GFI1B: variants seen among roughly 807,000 people sequenced by gnomAD.
GFI1B encodes the protein growth factor independent 1B transcriptional repressor, also known as zinc finger protein Gfi-1b.
A neutral mutation model predicts 35.3 loss-of-function variants in GFI1B; 20 were observed. The observed-to-expected ratio is 0.57, with a 90% CI of 0.40 to 0.82. The LOEUF (loss-of-function observed/expected upper bound fraction) is 0.82. GFI1B is among the 40% of genes least tolerant of loss of function. GFI1B has a pLI of 0.00. For synonymous variants in GFI1B, 178 were observed against 177.6 expected, an observed-to-expected ratio of 1.00 and a Z score of -0.02; for missense variants, 430 against 446.3, an observed-to-expected ratio of 0.96 and a Z score of 0.33.
At chr9:132,972,814 C>T (rs1327955812) in intron 2 of GFI1B, 1 of 152,110 alleles carries the variant, frequency 6.6e-6, no homozygotes, top group East Asian at 1.9e-4. Flanking sequence ...GCGCCTGGGT[C>T]GTAGGGTGGG....
chr9:132,958,249 G>A (rs547031535), intron 1 of GFI1B, among the ~76,000 whole-genome samples: 13 of 152,230 alleles, frequency 8.5e-5, no homozygotes, highest in Middle Eastern at 6.8e-3. Context: ...GTGGTAAGAC[G>A]GGAGATAGAG....
At chr9:132,950,701 C>T (rs1245506596) in intron 1 of GFI1B, among the ~76,000 whole-genome samples, 1 of 146,798 alleles carries the variant, frequency 6.8e-6, no homozygotes, top group Non-Finnish European at 1.5e-5. Context: ...CTACACTATA[C>T]TATACACTAC....
At chr9:132,987,151 A>C in intron 2 of GFI1B, 131 bp from the exon 3 acceptor site, 1 of 1,020,590 alleles carries the variant, frequency 9.8e-7, no homozygotes, top group Non-Finnish European at 1.5e-6. Flanking sequence ...CGGGAGTGTG[A>C]GCCGCCAGAA....
Position 132,990,883 on chromosome 9 carries a change from C to T in GFI1B, c.826C>T (p.His276Tyr). Residue 276 changes from histidine (H) to tyrosine (Y), a missense_variant, in exon 7 of 7, where the codon CAC (histidine) becomes TAC (tyrosine). His to Tyr is a moderately conservative substitution (Grantham distance 83). Coordinates refer to ENST00000372122, the MANE Select transcript of GFI1B (RefSeq NM_001377304.1). ...TGCCCTCCCTGCAGGTGAGAAGCCGCACAAGTGCCAGGTGTGCGGAAAGGC... is the reference window on the plus strand; with the variant it reads ...TGCCCTCCCTGCAGGTGAGAAGCCGTACAAGTGCCAGGTGTGCGGAAAGGC... ...HTYIHTGEKPHKCQVCGKAFS... is the reference protein window; with the variant it reads ...HTYIHTGEKPYKCQVCGKAFS... 6.2e-7 allele frequency: 1 copy of T among 1,614,242 alleles called. No homozygotes were observed. The highest frequency in any genetic ancestry group is 1.1e-5 in the South Asian group (1 of 91,092).
intron 1 of GFI1B, among the ~76,000 whole-genome samples, chr9:132,981,491 A>G (rs1178304349): frequency 2.0e-5 from 3 of 152,122 alleles, no homozygotes; most frequent in Admixed American, 6.5e-5. Context: ...TACAAAAATT[A>G]GCCAACTGTG....
rs191025709 is a variant in GFI1B at position 132,968,754 on chromosome 9, G to A, written c.-700-3971G>A. Among the ~76,000 whole-genome samples, 11 of 152,274 alleles carry A rather than the reference G, an allele frequency of 7.2e-5. No individual in the cohort carries two copies. The East Asian group carries it at 1.9e-3, about 27-fold the overall frequency. On this transcript the variant is annotated intron_variant, in intron 1 of 10. Coordinates refer to the GFI1B transcript ENST00000339463. The stretch of plus-strand genomic sequence containing the variant: ...TGCTTTCCCCATTTGTGAAAATGAA[G>A]GCCTCAGAGGCATGGAGGTTTTGTG...
intron 3 of GFI1B, 30 bp from the exon 4 acceptor site, chr9:132,988,167 G>A: frequency 4.3e-6 from 7 of 1,610,816 alleles, no homozygotes; most frequent in Non-Finnish European, 5.9e-6. Flanking sequence ...GTTTAAATGA[G>A]TAACCAGGCC....
chr9:132,957,230 A>G (rs187004156), intron 1 of GFI1B, among the ~76,000 whole-genome samples: 6 of 152,358 alleles, frequency 3.9e-5, no homozygotes, highest in Admixed American at 2.0e-4. Context: ...ACAAACGTGC[A>G]TGGCTTGGAA....
chr9:132,973,930 G>A (rs926276504), upstream of GFI1B, among the ~76,000 whole-genome samples: 2 of 152,200 alleles, frequency 1.3e-5, no homozygotes, highest in African/African-American at 4.8e-5. Context: ...TGGGCACAAT[G>A]ATTGGTGCTG....
chr9:132,992,000 T>A (rs1261190795), downstream of GFI1B, among the ~76,000 whole-genome samples: 1 of 152,122 alleles, frequency 6.6e-6, no homozygotes. Context: ...ACATTTATTC[T>A]CTTAAATTCT....
chr9:132,990,857 C>G lies in GFI1B; in HGVS notation c.815-15C>G. ...CTGACCCCGCCCTTGCTGTGCTGCG[C>G]TGCCCTCCCTGCAGGTGAGAAGCCG... On this transcript the variant is annotated splice_polypyrimidine_tract_variant and intron_variant, in intron 6 of 6. Coordinates refer to ENST00000372122, the MANE Select transcript of GFI1B (RefSeq NM_001377304.1). 3.1e-6 allele frequency: 5 copies of G among 1,613,768 alleles called. No homozygotes were observed. The highest frequency in any genetic ancestry group is 4.2e-6 in the Non-Finnish European group (5 of 1,179,806).
intron 1 of GFI1B, among the ~76,000 whole-genome samples, chr9:132,957,719 C>A (rs1848302141): frequency 6.6e-6 from 1 of 151,784 alleles, no homozygotes; most frequent in South Asian, 2.1e-4. Context: ...GAGTAAGTGG[C>A]AGTTAGCCAG....
In GFI1B at chr9:132,989,702, G is replaced by A. The variant is rs367558713; in HGVS notation, c.649-40G>A. On this transcript the variant is annotated intron_variant, in intron 5 of 6. Transcript: ENST00000372122. This position sits in a 1 kb window ranked among gnomAD's most constrained non-coding sequence, Gnocchi z 6.2. Reference sequence around the variant, plus strand: ...GGATCCCGGCCGGGTCCAGTCCTGAGCCTGCACCTGACCCCCCGGGGCCTC... The same window carrying A: ...GGATCCCGGCCGGGTCCAGTCCTGAACCTGCACCTGACCCCCCGGGGCCTC... 1 of 1,585,826 alleles carries A rather than the reference G, an allele frequency of 6.3e-7. No homozygotes were observed. The highest frequency in any genetic ancestry group is 8.6e-7 in the Non-Finnish European group (1 of 1,156,520).
intron 1 of GFI1B, among the ~76,000 whole-genome samples, chr9:132,966,697 T>G (rs1848455996): frequency 6.6e-6 from 1 of 152,220 alleles, no homozygotes; most frequent in Non-Finnish European, 1.5e-5. Flanking sequence ...TGCAGATTGC[T>G]TCTTAATTCA....
At chr9:132,990,234 T>C (rs1049157843) in intron 6 of GFI1B, among the ~76,000 whole-genome samples, 2 of 150,962 alleles carry the variant, frequency 1.3e-5, no homozygotes, top group African/African-American at 4.9e-5. Context: ...TATTCACACA[T>C]TCGCTCACTC....
In GFI1B at chr9:132,986,776, C is replaced by T. The variant is rs568826386; in HGVS notation, c.98C>T (p.Pro33Leu). ...DEPLWPPALT[P>L]VPRDQAPSNS... ...CCGCTCTGGCCTCCTGCCCTTACCC[C>T]GGGTGAGTCAGAGCCCGGGCTGGCG... The change falls in exon 2 of 7, where the codon CCG (proline) becomes CTG (leucine). Residue 33 changes from proline to leucine, a missense_variant and splice_region_variant. Transcript: ENST00000372122. 537 of 1,604,342 alleles carry T rather than the reference C, an allele frequency of 3.3e-4. 6 individuals are homozygous for T. In the South Asian group the frequency reaches 5.1e-3, roughly 15 times the overall value.
At chr9:132,974,445 C>G (rs1328430935), upstream of GFI1B, among the ~76,000 whole-genome samples, 1 of 151,252 alleles carries the variant, frequency 6.6e-6, no homozygotes, top group African/African-American at 2.4e-5. Flanking sequence ...ACTAAAAACA[C>G]AAAAAAATTA....
intron 1 of GFI1B, among the ~76,000 whole-genome samples, chr9:132,961,945 T>C (rs1315643510): frequency 6.6e-6 from 1 of 151,848 alleles, no homozygotes; most frequent in Non-Finnish European, 1.5e-5. Flanking sequence ...GGAACAAATC[T>C]ACACTTCTGG....
intron 1 of GFI1B, among the ~76,000 whole-genome samples, chr9:132,984,488 CAG>C (rs1190102805): frequency 6.6e-6 from 1 of 152,190 alleles, no homozygotes; most frequent in African/African-American, 2.4e-5. Context: ...TTTTAGAGCT[CAG>C]AGAGTACAGG....
Sources: gnomAD v4.1 joint callset for allele counts (sites outside exome capture counted in the v4.1 genomes callset) on GRCh38, gnomAD v4.1.1 for gene constraint, Gnocchi (gnomAD v3.1) non-coding constraint, MANE v1.5 for transcripts, NCBI Gene and HGNC (gene_info 2026-07-23, HGNC 2026-07-21) for gene names.